The following SPTLC3 variants were observed in gnomAD, a reference collection of about 807,000 sequenced individuals.
The protein encoded by SPTLC3 is serine palmitoyltransferase 3.
A neutral mutation model predicts 59.3 loss-of-function variants in SPTLC3; 36 were observed. That is an observed-to-expected ratio of 0.61 (90% CI 0.47 to 0.80). SPTLC3 has a LOEUF of 0.80. Among genes scored for constraint, SPTLC3 ranks in the 30% least tolerant of loss-of-function variants. SPTLC3 has a pLI of 0.00. For missense variants in SPTLC3, 625 were observed against 685.1 expected (o/e 0.91, Z 0.98); for synonymous variants, 257 against 240.8 (o/e 1.07, Z -0.62).
At chr20:13,162,386 G>A (rs1447409125) in intron 11 of SPTLC3, among the ~76,000 whole-genome samples, 2 of 152,190 alleles carry the variant, frequency 1.3e-5, no homozygotes, top group Admixed American at 1.3e-4. Flanking sequence ...CAAAACACCT[G>A]CTTTGAAAGG....
At chr20:13,013,217 A>G (rs891139185) in intron 1 of SPTLC3, among the ~76,000 whole-genome samples, 1 of 152,176 alleles carries the variant, frequency 6.6e-6, no homozygotes, top group Admixed American at 6.5e-5. Flanking sequence ...CTGAACTTCT[A>G]TTCTCCCCAC....
At chr20:13,069,396 CA>C (rs1424511762) in intron 2 of SPTLC3, among the ~76,000 whole-genome samples, 1 of 152,070 alleles carries the variant, frequency 6.6e-6, no homozygotes, top group Non-Finnish European at 1.5e-5. Flanking sequence ...TTGAGGAAGA[CA>C]ATTTTTCCAC....
intron 9 of SPTLC3, among the ~76,000 whole-genome samples, chr20:13,142,159 G>A (rs754731165): frequency 1.3e-5 from 2 of 152,180 alleles, no homozygotes; most frequent in Non-Finnish European, 2.9e-5. Flanking sequence ...CAGTTGATTT[G>A]AGTCTTTAAA....
chr20:13,144,161 C>T (rs1050823194), intron 9 of SPTLC3, among the ~76,000 whole-genome samples: 1 of 152,196 alleles, frequency 6.6e-6, no homozygotes, highest in Admixed American at 6.5e-5. Context: ...CCCTTTCCTC[C>T]CCATCCCCAA....
intron 1 of SPTLC3, among the ~76,000 whole-genome samples, chr20:13,041,084 TG>T (rs1986962135): frequency 6.6e-6 from 1 of 152,198 alleles, no homozygotes. Flanking sequence ...TTTATTCAAA[TG>T]GATATCATTA....
intron 9 of SPTLC3, among the ~76,000 whole-genome samples, chr20:13,131,850 T>C (rs1166242339): frequency 2.0e-5 from 3 of 152,168 alleles, no homozygotes; most frequent in African/African-American, 7.2e-5. Context: ...TTCTGTCGTC[T>C]TTTCAGCTTA....
chr20:13,117,340 T>C (rs1363745734), intron 7 of SPTLC3, among the ~76,000 whole-genome samples, 166 bp from the exon 8 acceptor site: 1 of 152,212 alleles, frequency 6.6e-6, no homozygotes, highest in Non-Finnish European at 1.5e-5. Flanking sequence ...AATGCCCAAG[T>C]GGCCTTACAA....
chr20:13,126,410 T>C (rs941780553), intron 8 of SPTLC3, among the ~76,000 whole-genome samples, 181 bp from the exon 9 acceptor site: 3 of 152,194 alleles, frequency 2.0e-5, no homozygotes, highest in African/African-American at 7.2e-5. Context: ...GGAGAGACTA[T>C]GAAGGAAATA....
At chr20:13,040,709 C>G (rs1314765324) in intron 1 of SPTLC3, among the ~76,000 whole-genome samples, 1 of 150,660 alleles carries the variant, frequency 6.6e-6, no homozygotes, top group Non-Finnish European at 1.5e-5. Context: ...GGATTTGAAT[C>G]ATTGTCTGAA....
chr20:13,165,522 C>G lies in SPTLC3; in HGVS notation c.*655C>G, dbSNP rs1487715038. On this transcript the variant is annotated 3_prime_UTR_variant, in exon 12 of 12. Transcript: ENST00000399002. The stretch of plus-strand genomic sequence containing the variant: ...ATTTTCCTTTTCCTCTTGCTGGTCT[C>G]CTACAGTTTTACAGCTGAGCTTTTG... 1 of 152,152 alleles carries G rather than the reference C, an allele frequency of 6.6e-6. No homozygotes were observed. The highest frequency in any genetic ancestry group is 1.5e-5 in the Non-Finnish European group (1 of 68,040). 9.4% of individuals were successfully genotyped at this position (152,152 alleles called of 1,614,324 possible).
intron 1 of SPTLC3, among the ~76,000 whole-genome samples, chr20:13,014,806 GATAAATGTCA>G (rs1985441617): frequency 7.1e-6 from 1 of 140,228 alleles, no homozygotes; most frequent in Non-Finnish European, 1.6e-5. Flanking sequence ...AAAAAAAAAA[GATAAATGTCA>G]ACCAATTCCG....
Position 13,117,702 on chromosome 20 carries a change from G to A in SPTLC3, c.1129G>A (p.Gly377Arg), listed in dbSNP as rs1317361695. The change falls in exon 8 of 12, where the codon GGA becomes AGA. Residue 377 changes from glycine (G) to arginine (R), a missense_variant. By Grantham distance (125) the Gly-to-Arg change is moderately radical. Transcript: ENST00000399002. ...ATTCACCAAAAGTTTTGGAGCTTCAGGAGGTTACATAGCTGGAAGGAAGGT... is the reference window on the plus strand; with the variant it reads ...ATTCACCAAAAGTTTTGGAGCTTCAAGAGGTTACATAGCTGGAAGGAAGGT... ...GTFTKSFGAS[G>R]GYIAGRKDLV... The A allele has an allele frequency of 6.2e-7, 1 of 1,612,912 alleles. No individual in the cohort carries two copies. Among genetic ancestry groups the A allele is most frequent in the Admixed American group, 1.7e-5 (1 of 59,902 alleles).
At chr20:13,116,773 A>C (rs1990578722) in intron 7 of SPTLC3, among the ~76,000 whole-genome samples, 1 of 152,206 alleles carries the variant, frequency 6.6e-6, no homozygotes, top group Non-Finnish European at 1.5e-5. Context: ...TGGTGGCAGC[A>C]TCTCCTGGGA....
At chr20:13,111,113 G>T (rs1600296568) in intron 7 of SPTLC3, among the ~76,000 whole-genome samples, 1 of 151,982 alleles carries the variant, frequency 6.6e-6, no homozygotes, top group Admixed American at 6.6e-5. Context: ...ATAATAATAA[G>T]AAGCTTGGTT....
At chr20:13,146,934 T>G (rs569714020) in intron 9 of SPTLC3, among the ~76,000 whole-genome samples, 1 of 152,344 alleles carries the variant, frequency 6.6e-6, no homozygotes, top group Non-Finnish European at 1.5e-5. Flanking sequence ...AAGCCTCTGT[T>G]TCCTCATCTG....
At chr20:13,102,117 T>C (rs950150708) in intron 6 of SPTLC3, among the ~76,000 whole-genome samples, 6 of 152,168 alleles carry the variant, frequency 3.9e-5, no homozygotes, top group Non-Finnish European at 2.9e-5. Flanking sequence ...GAGCACTACC[T>C]AGTCTGCAGA....
At chr20:13,026,078 A>C (rs568869883) in intron 1 of SPTLC3, among the ~76,000 whole-genome samples, 66 of 152,330 alleles carry the variant, frequency 4.3e-4, no homozygotes, top group African/African-American at 1.5e-3. Flanking sequence ...TTATGGCTTC[A>C]TAGTGTTCCA....
intron 10 of SPTLC3, among the ~76,000 whole-genome samples, chr20:13,155,335 G>A (rs574843778): frequency 6.6e-6 from 1 of 152,120 alleles, no homozygotes; most frequent in African/African-American, 2.4e-5. Flanking sequence ...CCCATTGCTG[G>A]AACTTTCTGT....
intron 6 of SPTLC3, among the ~76,000 whole-genome samples, chr20:13,101,188 G>C (rs1568601449): frequency 6.6e-6 from 1 of 152,314 alleles, no homozygotes; most frequent in African/African-American, 2.4e-5. Flanking sequence ...CTGATTGAAG[G>C]CTGCTCCCTA....
Sources: gnomAD v4.1 joint callset for allele counts (sites outside exome capture counted in the v4.1 genomes callset) on GRCh38, gnomAD v4.1.1 for gene constraint, MANE v1.5 for transcripts, NCBI Gene and HGNC (gene_info 2026-07-23, HGNC 2026-07-21) for gene names.